The following PREX2 variants were observed in gnomAD, a reference collection of about 807,000 sequenced individuals.
PREX2 encodes phosphatidylinositol-3,4,5-trisphosphate dependent Rac exchange factor 2.
Under a neutral mutation model 203.2 loss-of-function variants are expected in PREX2, and 107 were observed. That is an observed-to-expected ratio of 0.53 (90% CI 0.45 to 0.62). The LOEUF (loss-of-function observed/expected upper bound fraction) is 0.62, where lower values mean the gene tolerates loss of function less well. Among genes scored for constraint, PREX2 ranks in the 20% least tolerant of loss-of-function variants. The pLI is 0.00. For missense variants in PREX2, 1,777 were observed against 1,955.9 expected, an observed-to-expected ratio of 0.91 and a Z score of 1.72; for synonymous variants, 672 against 663.6, an observed-to-expected ratio of 1.01 and a Z score of -0.19.
chr8:68,168,583 G>C (rs538706743), intron 35 of PREX2, among the ~76,000 whole-genome samples: 10 of 152,312 alleles, frequency 6.6e-5, no homozygotes, highest in Admixed American at 5.9e-4. Flanking sequence ...TGCACAGGAA[G>C]ACAATTATCT....
chr8:68,103,257 A>C (rs1480383077), intron 23 of PREX2, among the ~76,000 whole-genome samples: 1 of 152,096 alleles, frequency 6.6e-6, no homozygotes, highest in Non-Finnish European at 1.5e-5. Context: ...CCCTTCCCTC[A>C]AAAGGGTACA....
intron 20 of PREX2, among the ~76,000 whole-genome samples, chr8:68,092,642 C>T (rs73264918): frequency 0.011 from 1,600 of 152,220 alleles, 24 homozygotes; most frequent in African/African-American, 0.036. Flanking sequence ...AAGATAGTTA[C>T]ATTACTTGGG....
chr8:68,047,050 A>C (rs912719612), intron 8 of PREX2, among the ~76,000 whole-genome samples: 2 of 151,950 alleles, frequency 1.3e-5, no homozygotes, highest in African/African-American at 4.8e-5. Flanking sequence ...AGCTAGAGTT[A>C]AGTTTGCTGG....
At chr8:68,203,870 A>G (rs1009195666) in intron 37 of PREX2, among the ~76,000 whole-genome samples, 4 of 152,206 alleles carry the variant, frequency 2.6e-5, no homozygotes, top group African/African-American at 9.6e-5. Context: ...AACTAGAGAT[A>G]TGGATGAAAA....
chr8:68,107,458 A>G (rs564316846), intron 23 of PREX2, among the ~76,000 whole-genome samples: 1 of 152,222 alleles, frequency 6.6e-6, no homozygotes, highest in South Asian at 2.1e-4. Context: ...TGGAGTGGCT[A>G]CCTTGGAAGT....
intron 1 of PREX2, among the ~76,000 whole-genome samples, chr8:67,981,442 G>T (rs909603055): frequency 3.9e-5 from 6 of 152,186 alleles, no homozygotes; most frequent in African/African-American, 1.4e-4. Flanking sequence ...GAGTAAAGGA[G>T]ACATCACAGT....
At chr8:68,174,968 G>A (rs772667375) in intron 35 of PREX2, among the ~76,000 whole-genome samples, 2 of 152,212 alleles carry the variant, frequency 1.3e-5, no homozygotes, top group African/African-American at 2.4e-5. Flanking sequence ...AATGTGCACA[G>A]CACTGAGGAT....
intron 35 of PREX2, among the ~76,000 whole-genome samples, chr8:68,180,486 T>G (rs975041209): frequency 1.8e-4 from 27 of 152,008 alleles, no homozygotes; most frequent in Admixed American, 5.3e-4. Context: ...AGTTATGAGT[T>G]TACAGATTTG....
intron 12 of PREX2, 76 bp from the exon 13 acceptor site, chr8:68,069,759 T>C: frequency 1.5e-6 from 1 of 665,778 alleles, no homozygotes; most frequent in Non-Finnish European, 2.6e-6. Context: ...AGTGAATTAA[T>C]TTGTTACTTC....
chr8:67,979,388 G>A (rs887367832), intron 1 of PREX2, among the ~76,000 whole-genome samples: 1 of 151,822 alleles, frequency 6.6e-6, no homozygotes, highest in Admixed American at 6.6e-5. Context: ...TTGCTTTTTT[G>A]GTGTATCACT....
intron 38 of PREX2, chr8:68,220,105 T>C (rs899245020): frequency 6.6e-6 from 1 of 151,940 alleles, no homozygotes; most frequent in Non-Finnish European, 1.5e-5. Context: ...TTTAATTTTT[T>C]TGGGAATAAG....
intron 5 of PREX2, among the ~76,000 whole-genome samples, chr8:68,029,621 A>G (rs1254903738): frequency 1.3e-5 from 2 of 152,148 alleles, no homozygotes; most frequent in African/African-American, 4.8e-5. Flanking sequence ...TCTTTTCAAG[A>G]CTTGCCTCAG....
rs563356394 is a variant in PREX2 at position 67,964,323 on chromosome 8, G to A, written c.141+11788G>A. Among the ~76,000 whole-genome samples, 3 of 152,310 alleles carry A rather than the reference G, an allele frequency of 2.0e-5. No homozygotes were observed. In the South Asian group the frequency reaches 6.2e-4, roughly 32 times the overall value. ...GGGAAATACGCTGACTGGCTGGACA[G>A]CCATGTGCCCAGCTGAAACTTAGGG... On this transcript the variant is annotated intron_variant, in intron 1 of 39. Transcript: ENST00000288368.
At chr8:68,090,811 C>T (rs1256300212) in intron 20 of PREX2, 96 bp downstream of exon 20, 1 of 985,534 alleles carries the variant, frequency 1.0e-6, no homozygotes, top group South Asian at 2.1e-5. Flanking sequence ...TTGTGGTTTC[C>T]AATTTTAAGT....
At position 68,074,479 on chromosome 8, in the gene PREX2, C is replaced by T. The variant is rs1485445427; in HGVS notation, c.1569+1909C>T. 7.9e-5 allele frequency among the ~76,000 whole-genome samples: 12 copies of T among 152,066 alleles called. 1 individual carries two copies. In the South Asian group the frequency reaches 1.2e-3, roughly 16 times the overall value. On this transcript the variant is annotated intron_variant, in intron 14 of 39. Coordinates refer to ENST00000288368, the MANE Select transcript of PREX2 (RefSeq NM_024870.4). ...TGCTTACTGCAATAGCTGTACATGC[C>T]GTCTCTTTTCTATCACCGAAACTTT...
At chr8:68,186,687 T>C (rs930070813) in intron 35 of PREX2, among the ~76,000 whole-genome samples, 19 of 152,110 alleles carry the variant, frequency 1.2e-4, no homozygotes, top group African/African-American at 4.6e-4. Context: ...CTAATTTTCG[T>C]ATTTTTAGTA....
rs562549917 is a variant in PREX2 at position 68,006,994 on chromosome 8, GC to G, written c.142-10851del. Among the ~76,000 whole-genome samples the G allele has an allele frequency of 3.0e-3, 454 of 152,088 alleles. 6 individuals are homozygous for G. Among genetic ancestry groups the G allele is most frequent in the African/African-American group, 0.01 (435 of 41,466 alleles). ...CTTAAAATATTTTTTAATTATCATA[GC>G]TTTTCTTTGTCCTGTGGAAGGAAAG... On this transcript the variant is annotated intron_variant, in intron 1 of 39. Transcript: ENST00000288368.
chr8:68,079,562 T>A (rs535671006), intron 15 of PREX2, among the ~76,000 whole-genome samples: 2 of 138,636 alleles, frequency 1.4e-5, no homozygotes, highest in African/African-American at 5.4e-5. Context: ...ACCTAACTTT[T>A]TCTGCTGTGC....
At chr8:67,953,022 T>C (rs1805396432) in intron 1 of PREX2, among the ~76,000 whole-genome samples, 1 of 152,186 alleles carries the variant, frequency 6.6e-6, no homozygotes, top group African/African-American at 2.4e-5. Flanking sequence ...GTTACTCAGA[T>C]AACATGGCAG....
Sources: gnomAD v4.1 joint callset for allele counts (sites outside exome capture counted in the v4.1 genomes callset) on GRCh38, gnomAD v4.1.1 for gene constraint, MANE v1.5 for transcripts, NCBI Gene and HGNC (gene_info 2026-07-23, HGNC 2026-07-21) for gene names.